Variants in XRRA1 observed in about 807,000 individuals in gnomAD.
XRRA1 encodes the protein X-ray radiation resistance-associated protein 1.
XRRA1 carries 69 observed loss-of-function variants against 80.2 expected under a neutral mutation model. The ratio of observed to expected loss-of-function variants is 0.86; its 90% CI spans 0.71 to 1.05. The LOEUF is 1.05. XRRA1 is among the 50% of genes least tolerant of loss of function. The probability of loss-of-function intolerance (pLI) is 0.00; values close to 1 mark genes in which losing one functional copy is unlikely to be tolerated. For missense variants in XRRA1, 967 were observed against 976.4 expected (o/e 0.99, Z 0.13); for synonymous variants, 348 against 389.9 (o/e 0.89, Z 1.27).
At chr11:74,881,009 G>T (rs1211990397) in intron 10 of XRRA1, among the ~76,000 whole-genome samples, 1 of 144,520 alleles carries the variant, frequency 6.9e-6, no homozygotes, top group East Asian at 2.0e-4. Context: ...TCAATTCCTG[G>T]GTATCCTTGT....
intron 12 of XRRA1, among the ~76,000 whole-genome samples, chr11:74,856,551 A>T (rs2041150481): frequency 6.6e-6 from 1 of 152,248 alleles, no homozygotes; most frequent in African/African-American, 2.4e-5. Context: ...CTGTGGCAGA[A>T]TGTGGCAGAT....
intron 7 of XRRA1, among the ~76,000 whole-genome samples, chr11:74,923,909 AG>A (rs1941557327): frequency 6.6e-6 from 1 of 152,152 alleles, no homozygotes; most frequent in African/African-American, 2.4e-5. Context: ...GCTAGAGGGC[AG>A]TGGTGTGAAC....
intron 10 of XRRA1, among the ~76,000 whole-genome samples, chr11:74,890,773 A>G (rs1380657621): frequency 6.6e-6 from 1 of 152,212 alleles, no homozygotes; most frequent in African/African-American, 2.4e-5. Flanking sequence ...TACTATAAAC[A>G]CCTCTATGCA....
At chr11:74,880,158 A>G (rs2047159322) in intron 10 of XRRA1, among the ~76,000 whole-genome samples, 2 of 152,180 alleles carry the variant, frequency 1.3e-5, no homozygotes, top group South Asian at 2.1e-4. Flanking sequence ...TTATTGGTCT[A>G]TTCAGAGATT....
chr11:74,922,321 T>C (rs1941086140), intron 7 of XRRA1, among the ~76,000 whole-genome samples: 1 of 149,688 alleles, frequency 6.7e-6, no homozygotes, highest in African/African-American at 2.5e-5. Flanking sequence ...TAACCCCAAA[T>C]TGTCACCCTA....
intron 10 of XRRA1, among the ~76,000 whole-genome samples, chr11:74,890,178 G>T (rs2050259500): frequency 6.6e-6 from 1 of 152,118 alleles, no homozygotes; most frequent in East Asian, 1.9e-4. Context: ...AAATGTAAAA[G>T]AACAGAAATT....
At chr11:74,864,100 A>C (rs1276558703) in intron 10 of XRRA1, 2 of 152,206 alleles carry the variant, frequency 1.3e-5, no homozygotes, top group African/African-American at 2.4e-5. Flanking sequence ...AAGAATTATC[A>C]CCTGAATAAA....
chr11:74,929,605 G>C (rs1341257673), intron 6 of XRRA1, among the ~76,000 whole-genome samples: 1 of 152,112 alleles, frequency 6.6e-6, no homozygotes, highest in East Asian at 1.9e-4. Context: ...CAGTCTTCCT[G>C]ATCAGACAAT....
intron 10 of XRRA1, among the ~76,000 whole-genome samples, chr11:74,899,422 A>T (rs2053113093): frequency 6.6e-6 from 1 of 152,184 alleles, no homozygotes; most frequent in Non-Finnish European, 1.5e-5. Flanking sequence ...GAGCACAAAT[A>T]AATGAATTTG....
At chr11:74,852,744 A>G (rs2040184745) in intron 12 of XRRA1, among the ~76,000 whole-genome samples, 1 of 152,234 alleles carries the variant, frequency 6.6e-6, no homozygotes, top group Admixed American at 6.5e-5. Flanking sequence ...AAAATATACA[A>G]GCTTTGTTGA....
At chr11:74,927,591 A>T (rs1396036241) in intron 6 of XRRA1, 103 bp from the exon 7 acceptor site, 2 of 765,014 alleles carry the variant, frequency 2.6e-6, no homozygotes, top group Non-Finnish European at 4.4e-6. Flanking sequence ...TAGGCCAGGC[A>T]CTGTATAAGG....
chr11:74,872,025 A>C (rs2044905825), intron 10 of XRRA1, among the ~76,000 whole-genome samples: 1 of 152,250 alleles, frequency 6.6e-6, no homozygotes, highest in South Asian at 2.1e-4. Context: ...GTGAAGAGAT[A>C]GGGGAACCAT....
At chr11:74,866,304 A>G (rs937530342) in intron 10 of XRRA1, among the ~76,000 whole-genome samples, 1 of 151,974 alleles carries the variant, frequency 6.6e-6, no homozygotes, top group Admixed American at 6.6e-5. Flanking sequence ...CCCAGGTTGG[A>G]GTACAGTGAC....
At chr11:74,928,264 G>A (rs962205101) in intron 6 of XRRA1, among the ~76,000 whole-genome samples, 3 of 152,166 alleles carry the variant, frequency 2.0e-5, no homozygotes, top group African/African-American at 7.2e-5. Flanking sequence ...AGTATCACTT[G>A]CGGTAAAAAT....
At chr11:74,917,454 T>G (rs577897122) in intron 8 of XRRA1, among the ~76,000 whole-genome samples, 1 of 152,348 alleles carries the variant, frequency 6.6e-6, no homozygotes, top group South Asian at 2.1e-4. Context: ...TACATCAGAC[T>G]GATTCTGGCA....
intron 10 of XRRA1, among the ~76,000 whole-genome samples, chr11:74,882,920 C>G (rs1394950708): frequency 6.6e-6 from 1 of 152,236 alleles, no homozygotes; most frequent in East Asian, 1.9e-4. Context: ...TCAAAGCTGT[C>G]AGACAGGGAC....
intron 2 of XRRA1, among the ~76,000 whole-genome samples, chr11:74,943,675 C>CT (rs532543328): frequency 6.4e-4 from 97 of 151,962 alleles, no homozygotes; most frequent in African/African-American, 2.3e-3. Flanking sequence ...CAGAGCTTCA[C>CT]TTTTTTTTCA....
In XRRA1 at chr11:74,885,331, G is replaced by A. The variant is rs182297051; in HGVS notation, c.1003+20908C>T. On this transcript the variant is annotated intron_variant, in intron 10 of 18. Transcript: ENST00000684022. ...TGAAAAAGTTAATGAGATAGAGACT[G>A]CTAGCTAGATTAATAAAAGAAAGAC... Among the ~76,000 whole-genome samples the A allele has an allele frequency of 1.5e-4, 23 of 152,200 alleles. No individual in the cohort carries two copies. The East Asian group carries it at 4.4e-3, about 29-fold the overall frequency.
Position 74,843,835 on chromosome 11 carries a change from A to C in XRRA1, c.2149+19T>G, listed in dbSNP as rs756344457. The C allele has an allele frequency of 6.3e-7, 1 of 1,591,722 alleles. No homozygotes were observed. The highest frequency in any genetic ancestry group is 1.1e-5 in the South Asian group (1 of 88,012). Reference sequence around the variant, plus strand: ...CGTGAACTGGATCTGGGATCCTGGCAGCTGTGGCAGAGCCGTACCTAGTGG... The same window carrying C: ...CGTGAACTGGATCTGGGATCCTGGCCGCTGTGGCAGAGCCGTACCTAGTGG... On this transcript the variant is annotated intron_variant, in intron 18 of 18. Transcript: ENST00000684022.
Sources: allele counts gnomAD v4.1 joint callset (sites outside exome capture counted in the v4.1 genomes callset), GRCh38; gene constraint gnomAD v4.1.1; transcripts MANE v1.5; gene names NCBI Gene and HGNC (gene_info 2026-07-23, HGNC 2026-07-21).